Variants in TNIK observed in about 807,000 individuals in gnomAD.
TNIK encodes the protein TRAF2 and NCK-interacting protein kinase.
Under a neutral mutation model 191.3 loss-of-function variants are expected in TNIK, and 49 were observed. The ratio of observed to expected loss-of-function variants is 0.26; its 90% CI spans 0.20 to 0.32. TNIK has a LOEUF of 0.32. TNIK is among the 10% of genes least tolerant of loss of function. The pLI is 1.00. For synonymous variants in TNIK, 594 were observed against 600.9 expected, an observed-to-expected ratio of 0.99 and a Z score of 0.17; for missense variants, 1,155 against 1,702.3, an observed-to-expected ratio of 0.68 and a Z score of 5.66.
chr3:171,300,872 T>C (rs1752806791), intron 2 of TNIK, among the ~76,000 whole-genome samples: 1 of 152,188 alleles, frequency 6.6e-6, no homozygotes, highest in Admixed American at 6.5e-5. Flanking sequence ...GTTTCCACTC[T>C]TTCCTGGTTC....
In TNIK at chr3:171,080,416, A is replaced by C. The variant is rs1291294238; in HGVS notation, c.3314-764T>G. On this transcript the variant is annotated intron_variant, in intron 27 of 32. Coordinates refer to ENST00000436636, the MANE Select transcript of TNIK (RefSeq NM_015028.4). Reference sequence around the variant, plus strand: ...CTTATTTTTCTTTATCTTAGGCTTTAAAAATGTTTTATTTATTTATTTATT... The same window carrying C: ...CTTATTTTTCTTTATCTTAGGCTTTCAAAATGTTTTATTTATTTATTTATT... 6.0e-5 allele frequency among the ~76,000 whole-genome samples: 9 copies of C among 151,204 alleles called. No individual in the cohort carries two copies. In the East Asian group the frequency reaches 1.7e-3, roughly 29 times the overall value.
intron 2 of TNIK, among the ~76,000 whole-genome samples, chr3:171,347,860 C>G (rs1187956224): frequency 6.6e-6 from 1 of 152,172 alleles, no homozygotes; most frequent in African/African-American, 2.4e-5. Flanking sequence ...AGTCACTCAT[C>G]AAGAGTGACT....
intron 2 of TNIK, among the ~76,000 whole-genome samples, chr3:171,235,519 G>C (rs1744157775): frequency 6.6e-6 from 1 of 151,994 alleles, no homozygotes. Flanking sequence ...ATGGCACCTG[G>C]GGCTATAAAC....
intron 3 of TNIK, chr3:171,225,683 T>C: frequency 2.2e-6 from 1 of 453,424 alleles, no homozygotes; most frequent in Non-Finnish European, 4.4e-6. Flanking sequence ...TGTGTAACTT[T>C]TAATTCCAAG....
chr3:171,118,241 G>C (rs2108536575), intron 18 of TNIK, among the ~76,000 whole-genome samples: 1 of 152,234 alleles, frequency 6.6e-6, no homozygotes, highest in Non-Finnish European at 1.5e-5. Flanking sequence ...GGGACGTGAA[G>C]GACCTCTTCA....
chr3:171,092,533 T>G (rs1722206968), intron 23 of TNIK, among the ~76,000 whole-genome samples: 1 of 152,218 alleles, frequency 6.6e-6, no homozygotes, highest in African/African-American at 2.4e-5. Context: ...TCCATTGAAA[T>G]TATCCATTAA....
intron 19 of TNIK, among the ~76,000 whole-genome samples, chr3:171,108,997 C>T (rs747391280): frequency 6.6e-6 from 1 of 152,126 alleles, no homozygotes. Context: ...ACCAGGGATA[C>T]AACAGCCCTT....
Position 171,060,763 on chromosome 3 carries a change from T to A in TNIK, c.*3118A>T, listed in dbSNP as rs1717743100. 6.6e-6 allele frequency among the ~76,000 whole-genome samples: 1 copy of A among 152,106 alleles called. No individual in the cohort carries two copies. The highest frequency in any genetic ancestry group is 2.4e-5 in the African/African-American group (1 of 41,414). ...TTCCTACCACCACTGGATGCAGGAA[T>A]CCATGCTACAGTATCTTTGACTGGC... On this transcript the variant is annotated 3_prime_UTR_variant, in exon 33 of 33. Transcript: ENST00000436636.
intron 2 of TNIK, among the ~76,000 whole-genome samples, chr3:171,352,916 C>A (rs543803087): frequency 9.2e-5 from 14 of 152,140 alleles, no homozygotes; most frequent in African/African-American, 3.4e-4. Flanking sequence ...TTTGATTGAC[C>A]CAAGCCAAAG....
chr3:171,195,828 A>G (rs968702262), intron 4 of TNIK, among the ~76,000 whole-genome samples: 7 of 152,180 alleles, frequency 4.6e-5, no homozygotes, highest in African/African-American at 1.7e-4. Flanking sequence ...GGGAAGTGCC[A>G]CAAGTAGACT....
At chr3:171,338,663 T>G (rs1464906195) in intron 2 of TNIK, among the ~76,000 whole-genome samples, 1 of 151,204 alleles carries the variant, frequency 6.6e-6, no homozygotes, top group African/African-American at 2.4e-5. Flanking sequence ...TAAGTTGTTT[T>G]TTTTTTTTTT....
At chr3:171,203,317 T>A (rs1036539572) in intron 4 of TNIK, among the ~76,000 whole-genome samples, 1 of 152,186 alleles carries the variant, frequency 6.6e-6, no homozygotes, top group Non-Finnish European at 1.5e-5. Flanking sequence ...TGAATGAGTT[T>A]GTTTCTTAGT....
chr3:171,339,974 A>G (rs1757355517), intron 2 of TNIK, among the ~76,000 whole-genome samples: 1 of 152,236 alleles, frequency 6.6e-6, no homozygotes, highest in Admixed American at 6.5e-5. Context: ...TACACAAATT[A>G]TGAAAAATTC....
intron 1 of TNIK, among the ~76,000 whole-genome samples, chr3:171,402,303 A>C (rs900957490): frequency 6.6e-6 from 1 of 152,254 alleles, no homozygotes; most frequent in Admixed American, 6.5e-5. Flanking sequence ...GGATTTGTGG[A>C]AGTTGGCAAA....
At chr3:171,429,505 T>C (rs1725078227) in intron 1 of TNIK, among the ~76,000 whole-genome samples, 1 of 152,222 alleles carries the variant, frequency 6.6e-6, no homozygotes, top group Non-Finnish European at 1.5e-5. Context: ...TAGGTACATT[T>C]TCCCCTTTGA....
At chr3:171,202,573 T>C (rs1739550919) in intron 4 of TNIK, among the ~76,000 whole-genome samples, 1 of 152,224 alleles carries the variant, frequency 6.6e-6, no homozygotes, top group Non-Finnish European at 1.5e-5. Flanking sequence ...GTCTTCCTTT[T>C]GCTTAGATGA....
At position 171,365,235 on chromosome 3, in the gene TNIK, T is replaced by G. The variant is rs572586334; in HGVS notation, c.123+4385A>C. On this transcript the variant is annotated intron_variant, in intron 2 of 32. Transcript: ENST00000436636. ...TTCGCTCTACTTGCCCAAGCTGGAG[T>G]GCAATGGTGCGATCTCAGCTCACCA... 2.0e-4 allele frequency among the ~76,000 whole-genome samples: 26 copies of G among 133,246 alleles called. 1 individual carries two copies. In the South Asian group the frequency reaches 7.0e-3, roughly 36 times the overall value. The allele number at this position is 133,246 out of a possible 152,430, so 87.4% of individuals were successfully genotyped here.
chr3:171,375,455 TAAA>T (rs1033655514), intron 1 of TNIK, among the ~76,000 whole-genome samples: 13 of 152,218 alleles, frequency 8.5e-5, no homozygotes, highest in Non-Finnish European at 1.5e-5. Context: ...TATGTCTCTT[TAAA>T]AATTAGTTAG....
At chr3:171,269,770 G>A (rs1423378102) in intron 2 of TNIK, among the ~76,000 whole-genome samples, 1 of 152,146 alleles carries the variant, frequency 6.6e-6, no homozygotes. Context: ...ATGTTTAGAG[G>A]GAAGGTGATA....
Sources: gnomAD v4.1 joint callset for allele counts (sites outside exome capture counted in the v4.1 genomes callset) on GRCh38, gnomAD v4.1.1 for gene constraint, MANE v1.5 for transcripts, NCBI Gene and HGNC (gene_info 2026-07-23, HGNC 2026-07-21) for gene names.